The following COL4A5 variants were observed in gnomAD, a reference collection of about 807,000 sequenced individuals.
COL4A5 encodes the protein collagen alpha-5(IV) chain.
In COL4A5, 26 loss-of-function variants were observed where a neutral mutation model predicts 130.2. The observed-to-expected ratio is 0.20, with a 90% CI of 0.15 to 0.28. The LOEUF is 0.28. Ranked by LOEUF, COL4A5 falls within the 10% of genes least tolerant of loss-of-function variation. The pLI is 1.00. For missense variants in COL4A5, 1,131 were observed against 1,344.3 expected (o/e 0.84, Z 2.48); for synonymous variants, 496 against 439.6 (o/e 1.13, Z -1.60).
chrX:108,446,660 G>A (rs887753133), intron 1 of COL4A5, among the ~76,000 whole-genome samples: 2 of 111,903 alleles, frequency 1.8e-5, no homozygotes, highest in Middle Eastern at 4.6e-3. Context: ...GCCAAAGGTC[G>A]TGCAGTTGAT....
In COL4A5 at chrX:108,546,622, G is replaced by A. The variant is rs1246797615; in HGVS notation, c.141+6817G>A. Among the ~76,000 whole-genome samples the A allele has an allele frequency of 1.2e-4, 13 of 110,461 alleles. No homozygotes were observed. The East Asian group carries it at 1.7e-3, about 15-fold the overall frequency. The stretch of plus-strand genomic sequence containing the variant: ...TCTTCTCGAGGAGTATCTTTGTGGC[G>A]TTCTCTGTATTTCCTGAATTTGAAT... On this transcript the variant is annotated intron_variant, in intron 2 of 52. Transcript: ENST00000328300.
intron 1 of COL4A5, among the ~76,000 whole-genome samples, chrX:108,538,824 A>G (rs757432565): frequency 4.5e-5 from 5 of 111,942 alleles, no homozygotes; most frequent in Non-Finnish European, 9.4e-5. Flanking sequence ...ATAGTACTGA[A>G]TGGCAGAAGT....
intron 30 of COL4A5, among the ~76,000 whole-genome samples, chrX:108,617,409 T>A (rs1302303763): frequency 8.9e-6 from 1 of 111,845 alleles, no homozygotes; most frequent in East Asian, 2.8e-4. Context: ...TACTGTAGAA[T>A]GTTTACATTA....
chrX:108,661,920 T>C (rs1420122646), intron 37 of COL4A5, among the ~76,000 whole-genome samples: 1 of 111,090 alleles, frequency 9.0e-6, no homozygotes, highest in African/African-American at 3.3e-5. Flanking sequence ...TATTTCTTTT[T>C]TTTAAGTTTA....
chrX:108,473,633 A>ATATATATATATATATTTTTT lies in COL4A5; in HGVS notation c.81+33428_81+33429insATATATATATATATTTTTTT. 2.0e-3 allele frequency among the ~76,000 whole-genome samples: 70 copies of ATATATATATATATATTTTTT among 34,530 alleles called. 3 individuals are homozygous for ATATATATATATATATTTTTT. Among genetic ancestry groups the ATATATATATATATATTTTTT allele is most frequent in the Non-Finnish European group, 3.2e-3 (53 of 16,527 alleles). The allele number at this position is 34,530 out of a possible 115,157, so 30.0% of individuals were successfully genotyped here. ...TATATGTATATATATATATATATAT[A>ATATATATATATATATTTTTT]TTTTTTTTTTTTTGAGATGAAGTCT... On this transcript the variant is annotated intron_variant, in intron 1 of 52. Coordinates refer to ENST00000328300, the MANE Select transcript of COL4A5 (RefSeq NM_033380.3).
At chrX:108,443,687 A>G (rs1276989424) in intron 1 of COL4A5, among the ~76,000 whole-genome samples, 2 of 111,944 alleles carry the variant, frequency 1.8e-5, no homozygotes, top group Non-Finnish European at 3.8e-5. Context: ...CATGTAAGAC[A>G]TGAGACTCTT....
intron 1 of COL4A5, among the ~76,000 whole-genome samples, chrX:108,442,301 T>C (rs1298024155): frequency 9.0e-6 from 1 of 111,717 alleles, no homozygotes; most frequent in Non-Finnish European, 1.9e-5. Context: ...GTAAATGATT[T>C]CTTTATCTCT....
chrX:108,654,621 A>T (rs1270860221), intron 36 of COL4A5, among the ~76,000 whole-genome samples: 3 of 111,525 alleles, frequency 2.7e-5, no homozygotes, highest in Non-Finnish European at 5.7e-5. Flanking sequence ...GATCTTTTTT[A>T]TTTTTTGTAG....
intron 28 of COL4A5, among the ~76,000 whole-genome samples, chrX:108,604,090 T>TAGA (rs2066689120): frequency 8.9e-6 from 1 of 112,258 alleles, no homozygotes. Context: ...CTGTGAGAGT[T>TAGA]AGAATTAACT....
intron 52 of COL4A5, 170 bp from the exon 53 acceptor site, chrX:108,696,127 T>C: frequency 4.3e-6 from 2 of 464,843 alleles, no homozygotes; most frequent in Admixed American, 6.5e-5. Flanking sequence ...CACTAATGGC[T>C]CTTAAACCAT....
At chrX:108,539,133 G>C (rs780937915) in intron 1 of COL4A5, among the ~76,000 whole-genome samples, 21 of 111,726 alleles carry the variant, frequency 1.9e-4, no homozygotes, top group African/African-American at 6.5e-4. Flanking sequence ...AGTTGCCAAG[G>C]TCATTGCTAA....
At chrX:108,517,676 T>C (rs1249868032) in intron 1 of COL4A5, among the ~76,000 whole-genome samples, 2 of 111,715 alleles carry the variant, frequency 1.8e-5, no homozygotes, top group South Asian at 7.4e-4. Context: ...TCCTTACTTA[T>C]GTTTATTTTC....
intron 2 of COL4A5, among the ~76,000 whole-genome samples, chrX:108,543,836 T>G (rs1265134178): frequency 8.9e-6 from 1 of 111,779 alleles, no homozygotes; most frequent in East Asian, 2.8e-4. Context: ...CCCTTGTAAG[T>G]TGGATTCCTA....
intron 1 of COL4A5, among the ~76,000 whole-genome samples, chrX:108,464,313 T>C (rs914713047): frequency 2.7e-5 from 3 of 111,874 alleles, no homozygotes; most frequent in Non-Finnish European, 5.6e-5. Context: ...ATACCAATAT[T>C]TTATATATTA....
At chrX:108,573,722 C>A in intron 9 of COL4A5, 68 bp downstream of exon 9, 1 of 703,264 alleles carries the variant, frequency 1.4e-6, no homozygotes, top group Non-Finnish European at 2.3e-6. Flanking sequence ...AATCCCTCAA[C>A]CTTTAGTACT....
chrX:108,670,458 T>A, intron 42 of COL4A5: 1 of 236,919 alleles, frequency 4.2e-6, no homozygotes, highest in Non-Finnish European at 6.0e-6. Flanking sequence ...ATTTAACATT[T>A]AAAAATTCAT....
At chrX:108,605,523 A>T (rs2066715683) in intron 28 of COL4A5, among the ~76,000 whole-genome samples, 1 of 112,299 alleles carries the variant, frequency 8.9e-6, no homozygotes, top group African/African-American at 3.2e-5. Flanking sequence ...AATAATAATT[A>T]AAAAGTTTGG....
chrX:108,685,356 C>A (rs1303019049), intron 47 of COL4A5, among the ~76,000 whole-genome samples: 1 of 112,372 alleles, frequency 8.9e-6, no homozygotes, highest in Non-Finnish European at 1.9e-5. Context: ...GTTCCATTTT[C>A]TTTTTTCTTG....
intron 2 of COL4A5, among the ~76,000 whole-genome samples, chrX:108,540,500 G>C (rs920265792): frequency 1.8e-5 from 2 of 111,320 alleles, no homozygotes; most frequent in Non-Finnish European, 3.8e-5. Flanking sequence ...ACCCAGGCTG[G>C]AGTGCAGTGT....
Sources: allele counts gnomAD v4.1 joint callset (sites outside exome capture counted in the v4.1 genomes callset), GRCh38; gene constraint gnomAD v4.1.1; transcripts MANE v1.5; gene names NCBI Gene and HGNC (gene_info 2026-07-23, HGNC 2026-07-21).